NOSIP: variants seen among roughly 807,000 people sequenced by gnomAD.
NOSIP encodes the protein nitric oxide synthase interacting protein, also known as nitric oxide synthase-interacting protein.
In NOSIP, 25 loss-of-function variants were observed where a neutral mutation model predicts 36.4. The ratio of observed to expected loss-of-function variants is 0.69; its 90% CI spans 0.50 to 0.96. NOSIP has a LOEUF of 0.96. Ranked by LOEUF, NOSIP falls within the 40% of genes least tolerant of loss-of-function variation. The pLI is 0.00. For missense variants in NOSIP, 370 were observed against 429.0 expected, an observed-to-expected ratio of 0.86 and a Z score of 1.21; for synonymous variants, 187 against 179.2, an observed-to-expected ratio of 1.04 and a Z score of -0.35.
intron 1 of NOSIP, among the ~76,000 whole-genome samples, chr19:49,563,850 A>T (rs1342124970): frequency 6.6e-6 from 1 of 152,168 alleles, no homozygotes; most frequent in Non-Finnish European, 1.5e-5. Flanking sequence ...GAAATAAAAA[A>T]TATGGATAGG....
intron 1 of NOSIP, among the ~76,000 whole-genome samples, chr19:49,564,447 C>T (rs567548217): frequency 5.9e-5 from 8 of 134,532 alleles, no homozygotes; most frequent in African/African-American, 2.3e-4. Context: ...GAGCGAGACT[C>T]CATCTCAAAA....
chr19:49,557,382 C>G (rs911558691), intron 4 of NOSIP, 133 bp from the exon 5 acceptor site: 12 of 1,445,638 alleles, frequency 8.3e-6, no homozygotes, highest in Non-Finnish European at 1.1e-5. Flanking sequence ...AGGGTGGTAA[C>G]TGCCACCCTG....
intron 1 of NOSIP, among the ~76,000 whole-genome samples, chr19:49,567,971 C>T (rs2080432971): frequency 6.6e-6 from 1 of 152,062 alleles, no homozygotes; most frequent in South Asian, 2.1e-4. Flanking sequence ...AGCCACCACA[C>T]CCAACCAACA....
chr19:49,565,631 G>A (rs892025823), intron 1 of NOSIP, among the ~76,000 whole-genome samples: 11 of 151,846 alleles, frequency 7.2e-5, no homozygotes, highest in African/African-American at 2.2e-4. Context: ...GGTGGCACAC[G>A]CCTGTAATCC....
rs1568722467 is a variant in NOSIP, at chr19:49,557,264, G to A, written c.259-15C>T. On this transcript the variant is annotated splice_polypyrimidine_tract_variant and intron_variant, in intron 4 of 8. Transcript: ENST00000596358. ...TTCTCGTAGGCCTGCGTCGGGGAAAGTGGGCTGAGCATCTGCCCGTGGGGC... is the reference window on the plus strand; with the variant it reads ...TTCTCGTAGGCCTGCGTCGGGGAAAATGGGCTGAGCATCTGCCCGTGGGGC... 1.3e-6 allele frequency: 2 copies of A among 1,568,154 alleles called. No individual in the cohort carries two copies. Among genetic ancestry groups the A allele is most frequent in the East Asian group, 2.3e-5 (1 of 43,148 alleles).
chr19:49,562,061 C>T (rs2080342500), intron 1 of NOSIP, among the ~76,000 whole-genome samples: 1 of 152,068 alleles, frequency 6.6e-6, no homozygotes, highest in Non-Finnish European at 1.5e-5. Flanking sequence ...AGCCCTGAAC[C>T]CACAGAGGCT....
At position 49,560,128 on chromosome 19, in the gene NOSIP, A is replaced by C; in HGVS notation, c.71-89T>G. On this transcript the variant is annotated intron_variant, in intron 2 of 8. Coordinates refer to ENST00000596358, the MANE Select transcript of NOSIP (RefSeq NM_001270960.2). This position sits in a 1 kb window ranked among gnomAD's most constrained non-coding sequence, Gnocchi z 4.6. Reference sequence around the variant, plus strand: ...AGCCCCAGAGAGAGGCACAGAGACAACGCGGTGGTGGGGGTGGGGGACTCA... The same window carrying C: ...AGCCCCAGAGAGAGGCACAGAGACACCGCGGTGGTGGGGGTGGGGGACTCA... 213 of 767,916 alleles carry C rather than the reference A, an allele frequency of 2.8e-4. No homozygotes were observed. The highest frequency in any genetic ancestry group is 4.8e-4 in the Middle Eastern group (2 of 4,158). The allele number at this position is 767,916 out of a possible 1,614,324, so 47.6% of individuals were successfully genotyped here.
intron 1 of NOSIP, among the ~76,000 whole-genome samples, chr19:49,564,358 G>A (rs943532526): frequency 2.7e-5 from 4 of 149,936 alleles, no homozygotes; most frequent in African/African-American, 9.8e-5. Flanking sequence ...GGAGGCTGAG[G>A]CATGAGAATC....
At position 49,558,900 on chromosome 19, in the gene NOSIP, C is replaced by T; in HGVS notation, c.255G>A (p.Met85Ile). Residue 85 changes from methionine to isoleucine, a missense_variant, in exon 4 of 9, where the codon ATG (methionine) becomes ATA (isoleucine). Met to Ile is a conservative substitution (Grantham distance 10). Around this residue, in one of 3 missense-constraint regions of NOSIP, gnomAD observed 315 missense variants for 331.9 expected, o/e 0.95. Transcript: ENST00000596358. Reference sequence around the variant, plus strand: ...GCCTCCTCCCCATCCCCATCACCTTCATCTGCCGGGCAATCTCCTTCTTCT... The same window carrying T: ...GCCTCCTCCCCATCCCCATCACCTTTATCTGCCGGGCAATCTCCTTCTTCT... ...LHQKKEIARQ[M>I]KAYEKQRGTR... The T allele has an allele frequency of 6.2e-7, 1 of 1,613,892 alleles. No homozygotes were observed. The highest frequency in any genetic ancestry group is 1.1e-5 in the South Asian group (1 of 91,084).
In NOSIP at chr19:49,556,338, G is replaced by A. The variant is rs1167224790; in HGVS notation, c.813C>T (p.Arg271=). The A allele has an allele frequency of 1.9e-6, 3 of 1,613,016 alleles. No individual in the cohort carries two copies. The highest frequency in any genetic ancestry group is 2.5e-6 in the Non-Finnish European group (3 of 1,179,544). ...TTACCCGCTGCAGCACGATGATGTC[G>A]CGGTCTGTGAGTTTGTCTCCAGTCA... ...DPVTGDKLTD[R]DIIVLQRGGT... is the part of the protein sequence containing the mutation. The change falls in exon 8 of 9, where the codon CGC becomes CGT. Residue 271 remains arginine, a synonymous_variant. Transcript: ENST00000596358.
intron 4 of NOSIP, chr19:49,557,683 G>A (rs1052795949): frequency 3.8e-5 from 38 of 1,004,894 alleles, no homozygotes; most frequent in African/African-American, 8.6e-5. Context: ...TGTTTGGGAC[G>A]GGGGATGTAG....
intron 1 of NOSIP, among the ~76,000 whole-genome samples, chr19:49,570,537 C>CT (rs1444754616): frequency 6.6e-5 from 10 of 152,276 alleles, no homozygotes; most frequent in Non-Finnish European, 1.3e-4. Context: ...TAAATACCCC[C>CT]TCACGCCCCT....
At chr19:49,570,110 T>TAAAG (rs111310942) in intron 1 of NOSIP, among the ~76,000 whole-genome samples, 61,024 of 151,344 alleles carry the variant, frequency 0.4, 16,414 homozygotes, top group African/African-American at 0.77. Context: ...TCTCAAAAAA[T>TAAAG]AAAGAAAGAA....
intron 1 of NOSIP, among the ~76,000 whole-genome samples, chr19:49,563,915 C>T (rs1227497976): frequency 6.6e-6 from 1 of 152,190 alleles, no homozygotes; most frequent in Non-Finnish European, 1.5e-5. Flanking sequence ...CAATACTCTT[C>T]TAGATCAGTG....
In NOSIP at chr19:49,569,818, AAAC is replaced by A. The variant is rs748368742; in HGVS notation, c.-1-9129_-1-9127del. On this transcript the variant is annotated intron_variant, in intron 1 of 8. Transcript: ENST00000596358. ...AGTGAGACTTTGTCTCAAAAAACAA[AAAC>A]AACAACAACAACAACAAAAAAGAAC... Among the ~76,000 whole-genome samples, 947 of 150,686 alleles carry A rather than the reference AAAC, an allele frequency of 6.3e-3. 11 individuals carry two copies. Among genetic ancestry groups the A allele is most frequent in the African/African-American group, 0.021 (871 of 40,952 alleles).
At chr19:49,561,566 A>G (rs2080334673) in intron 1 of NOSIP, among the ~76,000 whole-genome samples, 1 of 152,176 alleles carries the variant, frequency 6.6e-6, no homozygotes, top group Admixed American at 6.6e-5. Flanking sequence ...CACAATTCAC[A>G]TACCATAAAA....
chr19:49,579,932 G>A (rs1240610223), intron 1 of NOSIP, among the ~76,000 whole-genome samples: 3 of 151,978 alleles, frequency 2.0e-5, no homozygotes, highest in Non-Finnish European at 4.4e-5. Context: ...CAAGCCCCAA[G>A]TTCACAGAAT....
At position 49,555,658 on chromosome 19, in the gene NOSIP, C is replaced by G. The variant is rs1465508101; in HGVS notation, c.*93G>C. On this transcript the variant is annotated 3_prime_UTR_variant, in exon 9 of 9. Transcript: ENST00000596358. ...AGCACTGTTTGCACGGCCCTGCATC[C>G]TCGCCTGCCCTGTCCCCGGGGCGCC... The G allele has an allele frequency of 8.5e-6, 9 of 1,052,802 alleles. No homozygotes were observed. In the South Asian group the frequency reaches 1.2e-4, roughly 14 times the overall value. 65.2% of individuals were successfully genotyped at this position (1,052,802 alleles called of 1,614,324 possible).
At chr19:49,576,082 C>T (rs979902801) in intron 1 of NOSIP, among the ~76,000 whole-genome samples, 1 of 151,808 alleles carries the variant, frequency 6.6e-6, no homozygotes, top group Non-Finnish European at 1.5e-5. Flanking sequence ...TTGCAGTGAG[C>T]GGAGATCACG....
Sources: allele counts gnomAD v4.1 joint callset (sites outside exome capture counted in the v4.1 genomes callset), GRCh38; gene constraint gnomAD v4.1.1; regional missense constraint gnomAD v4.1.1; non-coding constraint Gnocchi (gnomAD v3.1); transcripts MANE v1.5; gene names NCBI Gene and HGNC (gene_info 2026-07-23, HGNC 2026-07-21).